The following FMN1 variants were observed in gnomAD, a reference collection of about 807,000 sequenced individuals.
FMN1 encodes the protein formin 1, also known as formin-1.
In FMN1, 110 loss-of-function variants were observed where a neutral mutation model predicts 132.4. That is an observed-to-expected ratio of 0.83 (90% CI 0.71 to 0.97). The LOEUF (loss-of-function observed/expected upper bound fraction) is 0.97. Ranked by LOEUF, FMN1 falls within the 50% of genes least tolerant of loss-of-function variation. The pLI, the probability that FMN1 is intolerant of heterozygous loss-of-function variation, is 0.00. For synonymous variants in FMN1, 722 were observed against 651.7 expected, an observed-to-expected ratio of 1.11 and a Z score of -1.64; for missense variants, 1,792 against 1,705.3, an observed-to-expected ratio of 1.05 and a Z score of -0.90.
At chr15:32,798,576 G>A (rs141606275) in intron 19 of FMN1, among the ~76,000 whole-genome samples, 2 of 152,128 alleles carry the variant, frequency 1.3e-5, no homozygotes, top group African/African-American at 4.8e-5. Context: ...TAATTGGAAG[G>A]GGTTAAGAAA....
chr15:33,048,141 C>T (rs7167624), intron 6 of FMN1, among the ~76,000 whole-genome samples: 11,045 of 151,964 alleles, frequency 0.073, 532 homozygotes, highest in Middle Eastern at 0.13. Context: ...AAAATGTAAA[C>T]GTGGTCTAAA....
intron 7 of FMN1, among the ~76,000 whole-genome samples, chr15:33,007,028 A>G (rs2034454582): frequency 6.6e-6 from 1 of 152,208 alleles, no homozygotes; most frequent in African/African-American, 2.4e-5. Flanking sequence ...TGTATACTTT[A>G]AAATTTCTAA....
At chr15:33,008,439 G>A (rs1035247413) in intron 6 of FMN1, among the ~76,000 whole-genome samples, 5 of 151,998 alleles carry the variant, frequency 3.3e-5, no homozygotes. Flanking sequence ...AGCAGACAGG[G>A]CAGGAAACAA....
intron 18 of FMN1, among the ~76,000 whole-genome samples, chr15:32,803,288 G>C (rs2057542758): frequency 6.6e-6 from 1 of 152,152 alleles, no homozygotes; most frequent in African/African-American, 2.4e-5. Flanking sequence ...CCAGCAAAAT[G>C]TATCTCAAAT....
intron 18 of FMN1, among the ~76,000 whole-genome samples, chr15:32,801,532 C>T (rs1360739577): frequency 2.0e-5 from 3 of 151,882 alleles, no homozygotes; most frequent in Middle Eastern, 3.2e-3. Context: ...TTTGGGAGGC[C>T]GAGGCGGGTG....
At chr15:33,002,722 A>C (rs775074674) in intron 7 of FMN1, among the ~76,000 whole-genome samples, 1 of 152,140 alleles carries the variant, frequency 6.6e-6, no homozygotes, top group African/African-American at 2.4e-5. Context: ...AGCAGCTAGA[A>C]ATCCAGGTTT....
chr15:32,766,055 GTC>G lies in FMN1; in HGVS notation c.*8253_*8254del, dbSNP rs2056035736. The G allele has an allele frequency of 1.3e-5, 2 of 152,152 alleles. No individual in the cohort carries two copies. The highest frequency in any genetic ancestry group is 4.8e-5 in the African/African-American group (2 of 41,422). The allele number at this position is 152,152 out of a possible 1,614,324, so 9.4% of individuals were successfully genotyped here. A position where few individuals can be genotyped will look rare whatever the true frequency, so the allele number is the denominator to read the frequency against. ...ATCCCAAGAGCGTGTAAGGTTTCATGTCTTTAAAGGGCCTTCTCCTTTCCCCA... is the reference window on the plus strand; with the variant it reads ...ATCCCAAGAGCGTGTAAGGTTTCATGTTTAAAGGGCCTTCTCCTTTCCCCA... On this transcript the variant is annotated 3_prime_UTR_variant, in exon 21 of 21. Coordinates refer to ENST00000616417, the MANE Select transcript of FMN1 (RefSeq NM_001277313.2).
chr15:33,020,347 G>A (rs1034521018), intron 6 of FMN1, among the ~76,000 whole-genome samples: 2 of 147,802 alleles, frequency 1.4e-5, no homozygotes, highest in Non-Finnish European at 3.0e-5. Context: ...CACCAGATTC[G>A]GTCACTATAA....
intron 5 of FMN1, among the ~76,000 whole-genome samples, chr15:33,079,745 C>T (rs1171076910): frequency 6.6e-6 from 1 of 152,210 alleles, no homozygotes; most frequent in Non-Finnish European, 1.5e-5. Context: ...ACATGATAAC[C>T]ATCCTTCACA....
chr15:32,813,552 G>C (rs187825945), intron 17 of FMN1, among the ~76,000 whole-genome samples: 5 of 152,136 alleles, frequency 3.3e-5, no homozygotes, highest in African/African-American at 1.2e-4. Context: ...TCTTCTTAAA[G>C]GCAATCATTT....
intron 7 of FMN1, among the ~76,000 whole-genome samples, chr15:33,002,474 T>G (rs2034173830): frequency 6.6e-6 from 1 of 152,206 alleles, no homozygotes; most frequent in African/African-American, 2.4e-5. Flanking sequence ...TCTGTTCGTT[T>G]TACGAACAGC....
intron 9 of FMN1, among the ~76,000 whole-genome samples, chr15:32,933,698 C>T (rs528460078): frequency 6.6e-6 from 1 of 152,094 alleles, no homozygotes; most frequent in Non-Finnish European, 1.5e-5. Context: ...ACCCTTTTAT[C>T]ATTAAATAGT....
chr15:32,851,089 A>C (rs761549969), intron 17 of FMN1, among the ~76,000 whole-genome samples: 2 of 152,116 alleles, frequency 1.3e-5, no homozygotes, highest in Non-Finnish European at 2.9e-5. Flanking sequence ...CAAAACAAAA[A>C]AAACAGTATC....
At chr15:32,804,412 T>C (rs2057587901) in intron 17 of FMN1, 80 bp from the exon 18 acceptor site, 2 of 310,182 alleles carry the variant, frequency 6.4e-6, no homozygotes, top group African/African-American at 3.1e-5. Flanking sequence ...ATTACACCCA[T>C]TCATTACCAC....
intron 5 of FMN1, among the ~76,000 whole-genome samples, chr15:33,073,294 G>A (rs978335576): frequency 1.5e-4 from 23 of 152,146 alleles, no homozygotes; most frequent in Non-Finnish European, 2.5e-4. Flanking sequence ...CAAGTTCTGG[G>A]CCTGATTTTA....
intron 4 of FMN1, among the ~76,000 whole-genome samples, chr15:33,122,126 C>A (rs978580592): frequency 6.6e-6 from 1 of 152,188 alleles, no homozygotes; most frequent in Non-Finnish European, 1.5e-5. Context: ...CAGTTAACTA[C>A]ACAGTGAAAC....
chr15:32,981,155 G>A (rs1311786413), intron 7 of FMN1, among the ~76,000 whole-genome samples: 1 of 151,926 alleles, frequency 6.6e-6, no homozygotes, highest in Admixed American at 6.6e-5. Context: ...TTTGTAAAAT[G>A]TGATTTTTAA....
intron 9 of FMN1, among the ~76,000 whole-genome samples, chr15:32,946,397 G>A (rs1421107630): frequency 6.6e-6 from 1 of 152,004 alleles, no homozygotes; most frequent in African/African-American, 2.4e-5. Flanking sequence ...GATCAACAAG[G>A]GTGTAACACA....
intron 6 of FMN1, among the ~76,000 whole-genome samples, chr15:33,048,650 C>CAA (rs2036824599): frequency 4.0e-5 from 1 of 25,116 alleles, no homozygotes; most frequent in Non-Finnish European, 1.2e-4. Context: ...AAAAAAAAAA[C>CAA]CAACAGTTTA....
Sources: gnomAD v4.1 joint callset for allele counts (sites outside exome capture counted in the v4.1 genomes callset) on GRCh38, gnomAD v4.1.1 for gene constraint, MANE v1.5 for transcripts, NCBI Gene and HGNC (gene_info 2026-07-23, HGNC 2026-07-21) for gene names.